The following GPC6 variants were observed in gnomAD, a reference collection of about 807,000 sequenced individuals.
GPC6 encodes the protein glypican 6.
In GPC6, 14 loss-of-function variants were observed where a neutral mutation model predicts 55.2. That is an observed-to-expected ratio of 0.25 (90% confidence interval 0.17 to 0.40). The LOEUF is 0.40. GPC6 is among the 10% of genes least tolerant of loss of function. GPC6 has a pLI of 1.00. For synonymous variants in GPC6, 278 were observed against 259.6 expected (o/e 1.07, Z -0.68); for missense variants, 641 against 708.5 (o/e 0.90, Z 1.08).
chr13:93,716,651 A>T (rs1391199400), intron 2 of GPC6, among the ~76,000 whole-genome samples: 1 of 151,694 alleles, frequency 6.6e-6, no homozygotes, highest in African/African-American at 2.4e-5. Context: ...AAATAAAAAC[A>T]TTACAATAAA....
At chr13:93,582,647 A>G (rs1288243208) in intron 2 of GPC6, among the ~76,000 whole-genome samples, 3 of 152,194 alleles carry the variant, frequency 2.0e-5, no homozygotes, top group Non-Finnish European at 4.4e-5. Context: ...TATTTTGCTA[A>G]GGCAACTTGG....
intron 1 of GPC6, among the ~76,000 whole-genome samples, chr13:93,390,855 G>A (rs2139217440): frequency 6.7e-6 from 1 of 149,712 alleles, no homozygotes; most frequent in South Asian, 2.1e-4. Flanking sequence ...TTCCTTATAA[G>A]GGCATTTACC....
chr13:93,724,985 T>TA (rs35423675), intron 2 of GPC6, among the ~76,000 whole-genome samples: 1 of 151,904 alleles, frequency 6.6e-6, no homozygotes, highest in Non-Finnish European at 1.5e-5. Flanking sequence ...ACCTAACATT[T>TA]AAAAAAAAGT....
At chr13:93,450,660 C>G (rs546399500) in intron 1 of GPC6, 1 of 670,936 alleles carries the variant, frequency 1.5e-6, no homozygotes, top group South Asian at 6.7e-5. Flanking sequence ...CTGAAGAATG[C>G]GTACTTCTGT....
intron 1 of GPC6, among the ~76,000 whole-genome samples, chr13:93,508,185 G>A (rs370242267): frequency 2.6e-5 from 4 of 152,328 alleles, no homozygotes; most frequent in South Asian, 4.1e-4. Flanking sequence ...GGATAGTCAA[G>A]GTTGTATTTT....
At chr13:93,529,902 G>A (rs1045100062) in intron 1 of GPC6, among the ~76,000 whole-genome samples, 3 of 152,130 alleles carry the variant, frequency 2.0e-5, no homozygotes, top group Admixed American at 6.6e-5. Flanking sequence ...GTGTTATTGA[G>A]TGGAAATTAA....
intron 1 of GPC6, among the ~76,000 whole-genome samples, chr13:93,272,126 C>A (rs1877550692): frequency 6.6e-6 from 1 of 151,628 alleles, no homozygotes; most frequent in African/African-American, 2.4e-5. Flanking sequence ...GATATGAATT[C>A]TTCATTTGAT....
At chr13:93,924,696 C>CTTTTTTTTTTTTTTTTTTTTTTT in intron 3 of GPC6, among the ~76,000 whole-genome samples, 1 of 128,568 alleles carries the variant, frequency 7.8e-6, no homozygotes, top group Non-Finnish European at 1.7e-5. Context: ...TCTTTCTTTT[C>CTTTTTTTTTTTTTTTTTTTTTTT]TTTTTTTTTT....
chr13:94,125,586 G>A (rs1200653217), intron 4 of GPC6, among the ~76,000 whole-genome samples: 2 of 152,080 alleles, frequency 1.3e-5, no homozygotes, highest in Non-Finnish European at 1.5e-5. Context: ...TCCTGATCGT[G>A]TTCACAGCCT....
At chr13:93,604,788 C>T (rs1878170506) in intron 2 of GPC6, among the ~76,000 whole-genome samples, 1 of 152,160 alleles carries the variant, frequency 6.6e-6, no homozygotes, top group Non-Finnish European at 1.5e-5. Context: ...GCCTAGTGAG[C>T]ATCCAGCCTT....
intron 2 of GPC6, among the ~76,000 whole-genome samples, chr13:93,594,697 T>C (rs929279470): frequency 6.6e-6 from 1 of 151,830 alleles, no homozygotes; most frequent in African/African-American, 2.4e-5. Context: ...ATACCAGAAG[T>C]TTATTTTTTG....
chr13:93,373,899 TA>T (rs1364619614), intron 1 of GPC6, among the ~76,000 whole-genome samples: 1 of 152,220 alleles, frequency 6.6e-6, no homozygotes, highest in Non-Finnish European at 1.5e-5. Context: ...AAATTATTTT[TA>T]GCAGATATTT....
intron 6 of GPC6, among the ~76,000 whole-genome samples, chr13:94,306,493 C>A (rs114218765): frequency 1.8e-4 from 27 of 152,224 alleles, no homozygotes; most frequent in African/African-American, 6.0e-4. Flanking sequence ...GTTATGTATT[C>A]AATTATGATA....
At chr13:94,095,626 C>T (rs550621100) in intron 4 of GPC6, among the ~76,000 whole-genome samples, 3 of 152,252 alleles carry the variant, frequency 2.0e-5, no homozygotes, top group Admixed American at 2.0e-4. Flanking sequence ...TGGCTACTGA[C>T]TGACTTGTTG....
chr13:94,331,953 C>T (rs551604514), intron 6 of GPC6, among the ~76,000 whole-genome samples: 7 of 152,200 alleles, frequency 4.6e-5, no homozygotes, highest in African/African-American at 1.4e-4. Flanking sequence ...CGTCAATAAG[C>T]GATGGAGAAA....
chr13:93,421,512 T>A (rs573608676), intron 1 of GPC6, among the ~76,000 whole-genome samples: 2 of 152,206 alleles, frequency 1.3e-5, no homozygotes, highest in African/African-American at 4.8e-5. Flanking sequence ...AGATAAAATA[T>A]CTTGTTCTTT....
chr13:93,565,951 A>G (rs1412970588), intron 2 of GPC6, among the ~76,000 whole-genome samples: 1 of 151,936 alleles, frequency 6.6e-6, no homozygotes, highest in African/African-American at 2.4e-5. Flanking sequence ...AAAAAAGAAA[A>G]AAAAAACACA....
chr13:93,388,372 A>C (rs1451095360), intron 1 of GPC6, among the ~76,000 whole-genome samples: 3 of 152,158 alleles, frequency 2.0e-5, no homozygotes, highest in Admixed American at 6.5e-5. Flanking sequence ...TTACCCAAGG[A>C]GGGCTCAAGT....
intron 3 of GPC6, among the ~76,000 whole-genome samples, chr13:93,898,532 T>G (rs1876149139): frequency 6.6e-6 from 1 of 152,124 alleles, no homozygotes; most frequent in Admixed American, 6.6e-5. Context: ...CCTAAGCAGA[T>G]TAATCAGCGG....
Sources: gnomAD v4.1 joint callset for allele counts (sites outside exome capture counted in the v4.1 genomes callset) on GRCh38, gnomAD v4.1.1 for gene constraint, MANE v1.5 for transcripts, NCBI Gene and HGNC (gene_info 2026-07-23, HGNC 2026-07-21) for gene names.